Variants in UNC5C observed in about 807,000 individuals in gnomAD.
UNC5C encodes netrin receptor UNC5C.
UNC5C carries 47 observed loss-of-function variants against 99.8 expected under a neutral mutation model. That is an observed-to-expected ratio of 0.47 (90% CI 0.37 to 0.60). UNC5C has a LOEUF of 0.60. UNC5C is among the 20% of genes least tolerant of loss of function. UNC5C has a pLI of 0.00. For synonymous variants in UNC5C, 487 were observed against 452.2 expected (o/e 1.08, Z -0.98); for missense variants, 1,062 against 1,165.9 (o/e 0.91, Z 1.30).
At chr4:95,490,469 G>A (rs1466818048) in intron 1 of UNC5C, among the ~76,000 whole-genome samples, 2 of 151,518 alleles carry the variant, frequency 1.3e-5, no homozygotes, top group African/African-American at 4.8e-5. Flanking sequence ...TTAACATCTT[G>A]ACTATGTCTC....
Position 95,278,292 on chromosome 4 carries a change from C to G in UNC5C, c.561G>C (p.Gln187His), listed in dbSNP as rs1446846682. Residue 187 changes from glutamine to histidine, a missense_variant, in exon 4 of 16, where the codon CAG (glutamine) becomes CAC (histidine). Coordinates refer to ENST00000453304, the MANE Select transcript of UNC5C (RefSeq NM_003728.4). ...EVSLEQEVLL[Q>H]CRPPEGIPVA... ...CTGGGATCCCTTCAGGTGGTCGACACTGGAGTAAGACTTCCTGTTCCAAAG... is the reference window on the plus strand; with the variant it reads ...CTGGGATCCCTTCAGGTGGTCGACAGTGGAGTAAGACTTCCTGTTCCAAAG... The G allele has an allele frequency of 1.9e-6, 3 of 1,614,140 alleles. No homozygotes were observed. Among genetic ancestry groups the G allele is most frequent in the Non-Finnish European group, 2.5e-6 (3 of 1,180,028 alleles).
intron 1 of UNC5C, among the ~76,000 whole-genome samples, chr4:95,404,241 T>C (rs1188891586): frequency 6.6e-6 from 1 of 152,150 alleles, no homozygotes; most frequent in Non-Finnish European, 1.5e-5. Context: ...AATAGAATAT[T>C]TTTGGACAAA....
intron 1 of UNC5C, among the ~76,000 whole-genome samples, chr4:95,407,013 T>C (rs1745848690): frequency 6.6e-6 from 1 of 152,122 alleles, no homozygotes; most frequent in South Asian, 2.1e-4. Flanking sequence ...AAGTTATTGA[T>C]TATACAAAAA....
intron 1 of UNC5C, among the ~76,000 whole-genome samples, chr4:95,345,694 A>C (rs1743745591): frequency 6.6e-6 from 1 of 152,098 alleles, no homozygotes; most frequent in Non-Finnish European, 1.5e-5. Context: ...AATAAATAAC[A>C]AGAGGAATCT....
intron 1 of UNC5C, among the ~76,000 whole-genome samples, chr4:95,466,670 G>C (rs1310226249): frequency 1.3e-5 from 2 of 151,510 alleles, no homozygotes; most frequent in Non-Finnish European, 2.9e-5. Context: ...ATGGACATAG[G>C]GTGAATACGA....
At chr4:95,433,677 A>AT (rs907625638) in intron 1 of UNC5C, among the ~76,000 whole-genome samples, 1 of 152,104 alleles carries the variant, frequency 6.6e-6, no homozygotes, top group African/African-American at 2.4e-5. Flanking sequence ...ATTTGTTTAG[A>AT]TTTTTTTCAT....
At chr4:95,392,532 A>C (rs1406838594) in intron 1 of UNC5C, among the ~76,000 whole-genome samples, 1 of 151,908 alleles carries the variant, frequency 6.6e-6, no homozygotes, top group Non-Finnish European at 1.5e-5. Context: ...TTCTGGACTC[A>C]AGCGAAACTC....
At chr4:95,307,472 A>G (rs1017163451) in intron 2 of UNC5C, among the ~76,000 whole-genome samples, 7 of 152,158 alleles carry the variant, frequency 4.6e-5, no homozygotes, top group African/African-American at 1.7e-4. Context: ...CCAATCAATG[A>G]TCAGTAAGAT....
intron 4 of UNC5C, among the ~76,000 whole-genome samples, chr4:95,256,686 AC>A (rs1225795857): frequency 2.1e-5 from 3 of 141,672 alleles, no homozygotes; most frequent in African/African-American, 8.3e-5. Flanking sequence ...GTCTAGAGGG[AC>A]AGAACTAAAT....
chr4:95,439,530 A>T (rs2149463056), intron 1 of UNC5C, among the ~76,000 whole-genome samples: 1 of 152,322 alleles, frequency 6.6e-6, no homozygotes, highest in Admixed American at 6.5e-5. Flanking sequence ...TTCTGGAAAC[A>T]AAATATTTTA....
intron 1 of UNC5C, among the ~76,000 whole-genome samples, chr4:95,547,653 G>T (rs1723107044): frequency 6.6e-6 from 1 of 152,260 alleles, no homozygotes; most frequent in South Asian, 2.1e-4. Context: ...TGGGCTAAGA[G>T]ACCCAAGTAG....
intron 1 of UNC5C, among the ~76,000 whole-genome samples, chr4:95,398,575 T>C (rs1745593418): frequency 6.6e-6 from 1 of 152,164 alleles, no homozygotes; most frequent in Non-Finnish European, 1.5e-5. Context: ...TACTGTCCAT[T>C]TGAAAATAAA....
At chr4:95,425,015 A>AT (rs78179686) in intron 1 of UNC5C, among the ~76,000 whole-genome samples, 28 of 151,846 alleles carry the variant, frequency 1.8e-4, no homozygotes, top group African/African-American at 4.4e-4. Context: ...CTGGACTTAC[A>AT]TTTTTTTTCA....
At chr4:95,184,653 G>T (rs1736757687) in intron 13 of UNC5C, among the ~76,000 whole-genome samples, 1 of 152,132 alleles carries the variant, frequency 6.6e-6, no homozygotes, top group Non-Finnish European at 1.5e-5. Context: ...ATTTTTCAAT[G>T]TAAGGGTACT....
intron 5 of UNC5C, 152 bp downstream of exon 5, chr4:95,250,335 C>T (rs918010079): frequency 2.7e-5 from 20 of 750,588 alleles, no homozygotes; most frequent in African/African-American, 2.0e-4. Context: ...GAGTGAGCTA[C>T]GGTCATGCCA....
intron 1 of UNC5C, among the ~76,000 whole-genome samples, chr4:95,441,569 T>C (rs1035824654): frequency 1.3e-5 from 2 of 152,184 alleles, no homozygotes; most frequent in African/African-American, 4.8e-5. Flanking sequence ...TTATTCTAAG[T>C]AACTCTGCAA....
At chr4:95,543,273 C>A (rs923770741) in intron 1 of UNC5C, among the ~76,000 whole-genome samples, 1 of 152,112 alleles carries the variant, frequency 6.6e-6, no homozygotes, top group Non-Finnish European at 1.5e-5. Context: ...GGAGAAAAAT[C>A]TAAACCGTAA....
At chr4:95,198,020 C>G (rs984103408) in intron 12 of UNC5C, among the ~76,000 whole-genome samples, 1 of 144,816 alleles carries the variant, frequency 6.9e-6, no homozygotes, top group Non-Finnish European at 1.5e-5. Context: ...TGGGGTCTCG[C>G]TCTGCCACCC....
intron 3 of UNC5C, among the ~76,000 whole-genome samples, chr4:95,283,809 A>G (rs1741142536): frequency 6.6e-6 from 1 of 152,262 alleles, no homozygotes; most frequent in Admixed American, 6.5e-5. Flanking sequence ...ACTAAAATTA[A>G]GTATGAAGTC....
Sources: allele counts gnomAD v4.1 joint callset (sites outside exome capture counted in the v4.1 genomes callset), GRCh38; gene constraint gnomAD v4.1.1; transcripts MANE v1.5; gene names NCBI Gene and HGNC (gene_info 2026-07-23, HGNC 2026-07-21).